ERICH6: variants seen among roughly 807,000 people sequenced by gnomAD.
The protein encoded by ERICH6 is glutamate rich 6, also known as glutamate-rich protein 6.
In ERICH6, 71 loss-of-function variants were observed where a neutral mutation model predicts 71.0. The observed-to-expected ratio is 1.00, with a 90% CI of 0.83 to 1.22. The LOEUF is 1.22. Among genes scored for constraint, ERICH6 ranks in the 50% most tolerant of loss-of-function variants. ERICH6 has a pLI of 0.00. For synonymous variants in ERICH6, 262 were observed against 278.4 expected (o/e 0.94, Z 0.59); for missense variants, 808 against 797.2 (o/e 1.01, Z -0.16).
chr3:150,682,120 CTT>C (rs1200380968), intron 7 of ERICH6, 96 bp downstream of exon 7: 13 of 1,084,098 alleles, frequency 1.2e-5, no homozygotes, highest in Non-Finnish European at 1.5e-5. Context: ...CGGCCTAACT[CTT>C]TTAAAAATGG....
intron 3 of ERICH6, among the ~76,000 whole-genome samples, chr3:150,689,673 A>G (rs1021383091): frequency 1.3e-5 from 2 of 152,066 alleles, no homozygotes; most frequent in South Asian, 4.2e-4. Context: ...TTTTTGAGCA[A>G]AAGTTTTTTT....
chr3:150,700,168 AG>A (rs1278652899), intron 2 of ERICH6, among the ~76,000 whole-genome samples: 2 of 151,482 alleles, frequency 1.3e-5, no homozygotes, highest in African/African-American at 4.9e-5. Flanking sequence ...ACTTCCTCCA[AG>A]GTTCACACCA....
chr3:150,669,435 G>T lies in ERICH6; in HGVS notation c.1360C>A (p.Leu454Ile), dbSNP rs777204422. Residue 454 changes from leucine to isoleucine, a missense_variant, in exon 12 of 14, where the codon CTA (leucine) becomes ATA (isoleucine). Physicochemically the swap from Leu to Ile is conservative, Grantham distance 5. Coordinates refer to ENST00000295910, the MANE Select transcript of ERICH6 (RefSeq NM_152394.5). ...TTQIFYPSGN[L>I]AIIRVPNKVN... ...TTGTTGGGCACTCGAATGATGGCTAGGTTTCCAGATGGATAGCTGAGATCA... is the reference window on the plus strand; with the variant it reads ...TTGTTGGGCACTCGAATGATGGCTATGTTTCCAGATGGATAGCTGAGATCA... 2.5e-6 allele frequency: 4 copies of T among 1,613,342 alleles called. No homozygotes were observed. Among genetic ancestry groups the T allele is most frequent in the Admixed American group, 3.3e-5 (2 of 59,852 alleles).
At chr3:150,666,257 C>T (rs754387639) in intron 13 of ERICH6, among the ~76,000 whole-genome samples, 6 of 152,204 alleles carry the variant, frequency 3.9e-5, no homozygotes, top group East Asian at 1.9e-4. Flanking sequence ...TTCTTCCTGT[C>T]AGGAGCTTGC....
intron 11 of ERICH6, among the ~76,000 whole-genome samples, chr3:150,670,262 A>T (rs564499851): frequency 7.0e-4 from 106 of 152,076 alleles, no homozygotes; most frequent in Non-Finnish European, 1.3e-3. Context: ...AGGCGGGTGG[A>T]TCATGAGGTC....
At chr3:150,664,001 G>C (rs1334690974) in intron 13 of ERICH6, among the ~76,000 whole-genome samples, 2 of 151,974 alleles carry the variant, frequency 1.3e-5, no homozygotes, top group Non-Finnish European at 2.9e-5. Flanking sequence ...ATAGAGAAAA[G>C]ACCACCCAAG....
rs73003078 is a variant in ERICH6 at position 150,681,359 on chromosome 3, G to A, written c.883-429C>T. On this transcript the variant is annotated intron_variant, in intron 7 of 13. Coordinates refer to ENST00000295910, the MANE Select transcript of ERICH6 (RefSeq NM_152394.5). ...TGTTTTCAGGATTTGTCCATATGGT[G>A]ACATGTTTCAGTACTTCACATTTCT... is the stretch of plus-strand genomic sequence containing the variant. Among the ~76,000 whole-genome samples, 904 of 152,302 alleles carry A rather than the reference G, an allele frequency of 5.9e-3. 17 individuals are homozygous for A. The highest frequency in any genetic ancestry group is 0.021 in the African/African-American group (873 of 41,568).
chr3:150,683,852 G>A lies in ERICH6; in HGVS notation c.784-1536C>T, dbSNP rs532792240. On this transcript the variant is annotated intron_variant, in intron 6 of 13. Coordinates refer to ENST00000295910, the MANE Select transcript of ERICH6 (RefSeq NM_152394.5). ...GTGGCTAGAGAGAAGAGCTGGGCAAGCCAGCCACTGCTACCCCTGAACTAG... is the reference window on the plus strand; with the variant it reads ...GTGGCTAGAGAGAAGAGCTGGGCAAACCAGCCACTGCTACCCCTGAACTAG... Among the ~76,000 whole-genome samples the A allele has an allele frequency of 3.3e-5, 5 of 152,290 alleles. No individual in the cohort carries two copies. In the East Asian group the frequency reaches 9.6e-4, roughly 29 times the overall value.
intron 13 of ERICH6, among the ~76,000 whole-genome samples, chr3:150,661,019 C>T (rs377113624): frequency 6.6e-6 from 1 of 152,088 alleles, no homozygotes; most frequent in East Asian, 1.9e-4. Context: ...TGACAGAAAA[C>T]TTTTTTACAG....
Position 150,660,246 on chromosome 3 carries a change from T to C in ERICH6, c.1729-91A>G, listed in dbSNP as rs1404003062. On this transcript the variant is annotated intron_variant, in intron 13 of 13. Transcript: ENST00000295910. The stretch of plus-strand genomic sequence containing the variant: ...GCTGAGTCATGGCACTTATGTGGGG[T>C]TGGATTCCCTGATGAGGGTCCACTC... 2.4e-5 allele frequency: 35 copies of C among 1,432,878 alleles called. 1 individual carries two copies. The South Asian group carries it at 4.2e-4, about 17-fold the overall frequency. 88.8% of individuals were successfully genotyped at this position (1,432,878 alleles called of 1,614,324 possible).
At chr3:150,702,269 A>AAT in intron 1 of ERICH6, 91 bp from the exon 2 acceptor site, 25 of 352,224 alleles carry the variant, frequency 7.1e-5, no homozygotes, top group Non-Finnish European at 1.1e-4. Context: ...ATGTCTGGAG[A>AAT]CTTTTTTTTT....
At chr3:150,676,954 G>C (rs527924990) in intron 10 of ERICH6, among the ~76,000 whole-genome samples, 28 of 151,584 alleles carry the variant, frequency 1.8e-4, no homozygotes, top group African/African-American at 6.8e-4. Context: ...CTGGGATTAC[G>C]GGTGCCTGCC....
At position 150,698,786 on chromosome 3, in the gene ERICH6, C is replaced by T. The variant is rs750973056; in HGVS notation, c.553+5G>A. ...CAGGAAAAGCTAAGAAATCAAACTACTCACTCGATTGCACTTTATCAGACA... is the reference window on the plus strand; with the variant it reads ...CAGGAAAAGCTAAGAAATCAAACTATTCACTCGATTGCACTTTATCAGACA... On this transcript the variant is annotated splice_donor_5th_base_variant and intron_variant, in intron 3 of 13. Coordinates refer to ENST00000295910, the MANE Select transcript of ERICH6 (RefSeq NM_152394.5). 2 of 1,610,648 alleles carry T rather than the reference C, an allele frequency of 1.2e-6. No individual in the cohort carries two copies. The highest frequency in any genetic ancestry group is 2.2e-5 in the South Asian group (2 of 90,972).
intron 11 of ERICH6, among the ~76,000 whole-genome samples, chr3:150,673,496 AGTTTT>A (rs967864019): frequency 1.3e-5 from 2 of 150,768 alleles, no homozygotes; most frequent in South Asian, 2.1e-4. Flanking sequence ...GTTCCTTTAT[AGTTTT>A]GTTTTATCTT....
intron 13 of ERICH6, 33 bp downstream of exon 13, chr3:150,666,754 A>G: frequency 6.4e-7 from 1 of 1,574,268 alleles, no homozygotes; most frequent in Non-Finnish European, 8.7e-7. Context: ...TATTATTCTA[A>G]ATGCTTTAAA....
At chr3:150,677,161 TC>T (rs1711693616) in intron 10 of ERICH6, among the ~76,000 whole-genome samples, 1 of 152,114 alleles carries the variant, frequency 6.6e-6, no homozygotes, top group Non-Finnish European at 1.5e-5. Context: ...CAGGCTGGTT[TC>T]AAACTCCTGG....
intron 4 of ERICH6, 45 bp from the exon 5 acceptor site, chr3:150,686,066 T>C (rs772821288): frequency 7.5e-6 from 11 of 1,461,488 alleles, no homozygotes; most frequent in Non-Finnish European, 1.1e-5. Context: ...AAAGCCTTTG[T>C]GCAGTGCATT....
intron 6 of ERICH6, among the ~76,000 whole-genome samples, chr3:150,684,233 TA>T (rs1446582853): frequency 6.6e-6 from 1 of 151,802 alleles, no homozygotes; most frequent in Non-Finnish European, 1.5e-5. Flanking sequence ...AATAAATAAA[TA>T]AAAAAACAAA....
chr3:150,664,706 C>T (rs1727344964), intron 13 of ERICH6, among the ~76,000 whole-genome samples: 6 of 151,354 alleles, frequency 4.0e-5, no homozygotes, highest in African/African-American at 1.5e-4. Context: ...AAGGTACACA[C>T]TAAATTTTGT....
Sources: gnomAD v4.1 joint callset for allele counts (sites outside exome capture counted in the v4.1 genomes callset) on GRCh38, gnomAD v4.1.1 for gene constraint, MANE v1.5 for transcripts, NCBI Gene and HGNC (gene_info 2026-07-23, HGNC 2026-07-21) for gene names.